The following AMPH variants were observed in gnomAD, a reference collection of about 807,000 sequenced individuals.
AMPH encodes the protein amphiphysin (Stiff-Mann syndrome with breast cancer 128kD autoantigen).
In AMPH, 49 loss-of-function variants were observed where a neutral mutation model predicts 99.1. The observed-to-expected ratio is 0.49, with a 90% confidence interval of 0.39 to 0.63. The LOEUF is 0.63. AMPH is among the 20% of genes least tolerant of loss of function. AMPH has a pLI of 0.00. For synonymous variants in AMPH, 314 were observed against 317.3 expected (o/e 0.99, Z 0.11); for missense variants, 759 against 863.4 (o/e 0.88, Z 1.52).
At chr7:38,629,422 C>G (rs936151173) in intron 1 of AMPH, among the ~76,000 whole-genome samples, 11 of 152,132 alleles carry the variant, frequency 7.2e-5, no homozygotes, top group African/African-American at 2.7e-4. Flanking sequence ...GGGTCTCTCA[C>G]CCCCGCTCCC....
At chr7:38,452,648 C>A (rs1787080189) in intron 11 of AMPH, among the ~76,000 whole-genome samples, 1 of 152,214 alleles carries the variant, frequency 6.6e-6, no homozygotes, top group Admixed American at 6.5e-5. Flanking sequence ...CTTGACTCAG[C>A]TGGGTATTTC....
intron 1 of AMPH, among the ~76,000 whole-genome samples, chr7:38,606,268 CAG>C (rs1394795228): frequency 6.6e-6 from 1 of 152,112 alleles, no homozygotes; most frequent in Non-Finnish European, 1.5e-5. Flanking sequence ...ATGTGTAACT[CAG>C]GGGTATTTAG....
At chr7:38,591,611 C>A (rs1266120707) in intron 1 of AMPH, among the ~76,000 whole-genome samples, 1 of 152,100 alleles carries the variant, frequency 6.6e-6, no homozygotes, top group Admixed American at 6.6e-5. Context: ...TCTATAAACT[C>A]GGCTCTCATA....
Position 38,631,307 on chromosome 7 carries a change from C to T in AMPH, c.45G>A (p.Lys15=), listed in dbSNP as rs1794455458. 5 of 1,548,260 alleles carry T rather than the reference C, an allele frequency of 3.2e-6. No individual in the cohort carries two copies. The East Asian group carries it at 1.3e-4, about 39-fold the overall frequency. The change falls in exon 1 of 21, where the codon AAG becomes AAA. Residue 15 remains lysine, a synonymous_variant. Coordinates refer to ENST00000356264, the MANE Select transcript of AMPH (RefSeq NM_001635.4). The part of the protein sequence containing the change: ...KTGIFAKNVQ[K]RLNRAQEKVL... ...CCTTTTCCTGCGCGCGGTTGAGTCG[C>T]TTCTGGACGTTCTTGGCGAAGATGC...
chr7:38,463,562 A>G (rs574868633), intron 9 of AMPH, among the ~76,000 whole-genome samples: 21 of 152,342 alleles, frequency 1.4e-4, no homozygotes, highest in African/African-American at 4.3e-4. Context: ...TTGCCATGTC[A>G]CAATCTATAA....
At chr7:38,406,303 G>T (rs1344955583) in intron 17 of AMPH, among the ~76,000 whole-genome samples, 1 of 151,802 alleles carries the variant, frequency 6.6e-6, no homozygotes, top group Non-Finnish European at 1.5e-5. Context: ...CACACCTCAA[G>T]GAACTAGAAA....
At chr7:38,528,552 A>G (rs1187695717) in intron 2 of AMPH, among the ~76,000 whole-genome samples, 1 of 152,134 alleles carries the variant, frequency 6.6e-6, no homozygotes, top group East Asian at 1.9e-4. Context: ...TATCCTTTAG[A>G]TGGCTACAGA....
chr7:38,581,811 G>T (rs1181478459), intron 1 of AMPH, among the ~76,000 whole-genome samples: 1 of 152,298 alleles, frequency 6.6e-6, no homozygotes, highest in African/African-American at 2.4e-5. Context: ...ATGAAAGAAG[G>T]CCTCGAGAAT....
chr7:38,621,964 A>C (rs531435895), intron 1 of AMPH, among the ~76,000 whole-genome samples: 74 of 152,320 alleles, frequency 4.9e-4, no homozygotes, highest in African/African-American at 1.8e-3. Context: ...TCCATGTGGA[A>C]AGGTGGCCCA....
rs117551093 is a variant in AMPH at position 38,503,613 on chromosome 7, G to A, written c.205+37C>T. 3.8e-6 allele frequency: 6 copies of A among 1,599,648 alleles called. No homozygotes were observed. The African/African-American group carries it at 6.7e-5, about 18-fold the overall frequency. On this transcript the variant is annotated intron_variant, in intron 3 of 20. Transcript: ENST00000356264. ...CTCATGAATTCCAAGAACAACCTGTGCTAAGTAACATGCAGTAAACAACTC... is the reference window on the plus strand; with the variant it reads ...CTCATGAATTCCAAGAACAACCTGTACTAAGTAACATGCAGTAAACAACTC...
intron 5 of AMPH, among the ~76,000 whole-genome samples, chr7:38,478,681 C>T (rs895685121): frequency 1.3e-5 from 2 of 151,912 alleles, no homozygotes; most frequent in African/African-American, 2.4e-5. Flanking sequence ...AAAATGACTA[C>T]GACTAATATG....
intron 17 of AMPH, among the ~76,000 whole-genome samples, chr7:38,407,633 A>C (rs983553079): frequency 9.2e-5 from 14 of 152,142 alleles, no homozygotes; most frequent in South Asian, 2.1e-4. Flanking sequence ...ATTTTAAATT[A>C]AAAAAATTCA....
chr7:38,434,745 A>G (rs866601385), intron 12 of AMPH, among the ~76,000 whole-genome samples: 2 of 149,970 alleles, frequency 1.3e-5, no homozygotes, highest in Non-Finnish European at 3.0e-5. Context: ...TCTCAAAGAA[A>G]AAAAAAAAAA....
In AMPH at chr7:38,503,649, C is replaced by T. The variant is rs1271528177; in HGVS notation, c.205+1G>A. On this transcript the variant is annotated splice_donor_variant, in intron 3 of 20. Transcript: ENST00000356264. LOFTEE classifies it high-confidence loss of function. ...TGCAGTAAACAACTCATACACATTACCTTTGATTGCTGCTAAATATCCTCG... is the reference window on the plus strand; with the variant it reads ...TGCAGTAAACAACTCATACACATTATCTTTGATTGCTGCTAAATATCCTCG... The T allele has an allele frequency of 6.2e-7, 1 of 1,613,854 alleles. No individual in the cohort carries two copies.
At chr7:38,420,482 C>A (rs1048210828) in intron 16 of AMPH, among the ~76,000 whole-genome samples, 2 of 152,184 alleles carry the variant, frequency 1.3e-5, no homozygotes, top group South Asian at 2.1e-4. Flanking sequence ...GCTTCAGTAG[C>A]AGTCATTACA....
At chr7:38,398,062 T>G (rs4723750) in intron 17 of AMPH, among the ~76,000 whole-genome samples, 18,868 of 146,780 alleles carry the variant, frequency 0.13, 1,572 homozygotes, top group Admixed American at 0.23. Flanking sequence ...TTGGTGGAAA[T>G]GTAAATTAAT....
At chr7:38,534,457 G>A (rs1472780350) in intron 2 of AMPH, among the ~76,000 whole-genome samples, 1 of 152,108 alleles carries the variant, frequency 6.6e-6, no homozygotes, top group Non-Finnish European at 1.5e-5. Flanking sequence ...TGGATCGCTC[G>A]AGTCCAGGAG....
At chr7:38,473,664 A>ACTGCAGT (rs1787970338) in intron 7 of AMPH, among the ~76,000 whole-genome samples, 1 of 54,728 alleles carries the variant, frequency 1.8e-5, no homozygotes, top group African/African-American at 8.8e-5. Context: ...AGATTGCGCC[A>ACTGCAGT]CTGCAGTCCG....
At chr7:38,450,943 T>G (rs892156084) in intron 11 of AMPH, among the ~76,000 whole-genome samples, 4 of 151,600 alleles carry the variant, frequency 2.6e-5, no homozygotes, top group Non-Finnish European at 4.4e-5. Flanking sequence ...TAGGCTGGAA[T>G]GCAGTACTGT....
Sources: allele counts gnomAD v4.1 joint callset (sites outside exome capture counted in the v4.1 genomes callset), GRCh38; gene constraint gnomAD v4.1.1; transcripts MANE v1.5; gene names NCBI Gene and HGNC (gene_info 2026-07-23, HGNC 2026-07-21).